Variants in PHF14 observed in about 807,000 individuals in gnomAD.
The protein encoded by PHF14 is PHD finger protein 14.
In PHF14, 55 loss-of-function variants were observed where a neutral mutation model predicts 117.9. That is an observed-to-expected ratio of 0.47 (90% CI 0.38 to 0.58). The LOEUF (loss-of-function observed/expected upper bound fraction) is 0.58. Ranked by LOEUF, PHF14 falls within the 20% of genes least tolerant of loss-of-function variation. PHF14 has a pLI of 0.00. For missense variants in PHF14, 978 were observed against 1,122.2 expected (o/e 0.87, Z 1.84); for synonymous variants, 409 against 368.6 (o/e 1.11, Z -1.26).
At chr7:11,023,276 A>G (rs1036893672) in intron 6 of PHF14, among the ~76,000 whole-genome samples, 5 of 152,196 alleles carry the variant, frequency 3.3e-5, no homozygotes, top group African/African-American at 7.2e-5. Context: ...TTACAATTAG[A>G]TGGATCAAAT....
intron 16 of PHF14, chr7:11,062,535 C>G (rs1785263807): frequency 4.7e-6 from 1 of 213,192 alleles, no homozygotes; most frequent in African/African-American, 2.4e-5. Flanking sequence ...TTTCTTATTG[C>G]TTATCAAAAC....
intron 1 of PHF14, 45 bp downstream of exon 1, chr7:10,974,369 A>G: frequency 4.5e-6 from 7 of 1,550,334 alleles, no homozygotes; most frequent in South Asian, 1.2e-5. Flanking sequence ...CATTTCAGCC[A>G]TTCTAGAAGT....
intron 16 of PHF14, among the ~76,000 whole-genome samples, chr7:11,066,331 C>T (rs568828957): frequency 1.5e-4 from 23 of 152,284 alleles, no homozygotes; most frequent in Admixed American, 1.2e-3. Flanking sequence ...ACTTTCTTGA[C>T]GCAGTACAGC....
At chr7:11,159,682 A>G (rs1788967832) in intron 17 of PHF14, among the ~76,000 whole-genome samples, 1 of 152,136 alleles carries the variant, frequency 6.6e-6, no homozygotes, top group Admixed American at 6.6e-5. Context: ...TGAGGGAAAC[A>G]GAGTAAAAGG....
At chr7:11,128,400 A>T (rs933842839) in intron 17 of PHF14, among the ~76,000 whole-genome samples, 7 of 151,808 alleles carry the variant, frequency 4.6e-5, no homozygotes, top group African/African-American at 1.7e-4. Context: ...ACTTCATTCT[A>T]TTTCCTGTCT....
intron 17 of PHF14, among the ~76,000 whole-genome samples, chr7:11,147,514 ATC>A (rs1431975321): frequency 6.6e-6 from 1 of 152,078 alleles, no homozygotes; most frequent in Non-Finnish European, 1.5e-5. Flanking sequence ...GTCACTTACA[ATC>A]TCTTTCTTAT....
chr7:11,023,964 C>T (rs916278273), intron 6 of PHF14, among the ~76,000 whole-genome samples: 2 of 152,148 alleles, frequency 1.3e-5, no homozygotes, highest in African/African-American at 2.4e-5. Context: ...GAAGGCATGT[C>T]GAAAGCCTAG....
chr7:11,033,933 T>G (rs1303402077), intron 7 of PHF14, among the ~76,000 whole-genome samples: 1 of 152,188 alleles, frequency 6.6e-6, no homozygotes, highest in Admixed American at 6.5e-5. Context: ...CTATATGAAG[T>G]AATTGTAAGT....
intron 2 of PHF14, among the ~76,000 whole-genome samples, chr7:10,976,944 T>G (rs1437457341): frequency 2.0e-5 from 3 of 151,284 alleles, no homozygotes; most frequent in Non-Finnish European, 2.9e-5. Context: ...TGGTATTTAT[T>G]GTAAAAGGGA....
chr7:11,152,472 A>G (rs1788729238), intron 17 of PHF14, among the ~76,000 whole-genome samples: 1 of 152,126 alleles, frequency 6.6e-6, no homozygotes, highest in African/African-American at 2.4e-5. Context: ...ATACAATAAT[A>G]TATTTGTAAT....
intron 17 of PHF14, among the ~76,000 whole-genome samples, chr7:11,121,697 T>C (rs1787759314): frequency 6.6e-6 from 1 of 152,068 alleles, no homozygotes; most frequent in Admixed American, 6.6e-5. Context: ...CTGAGACAGC[T>C]AAGTGACTAA....
chr7:11,153,147 C>G (rs529171145), intron 17 of PHF14, among the ~76,000 whole-genome samples: 2 of 152,228 alleles, frequency 1.3e-5, no homozygotes, highest in African/African-American at 4.8e-5. Context: ...AATTATAAAA[C>G]CAAAGCAAGG....
chr7:11,153,463 A>G (rs927404835), intron 17 of PHF14, among the ~76,000 whole-genome samples: 4 of 152,116 alleles, frequency 2.6e-5, no homozygotes, highest in Non-Finnish European at 4.4e-5. Context: ...TGAGGTCCTT[A>G]TTAAAAAGTT....
At chr7:11,148,596 T>A (rs1373519237) in intron 17 of PHF14, among the ~76,000 whole-genome samples, 1 of 152,180 alleles carries the variant, frequency 6.6e-6, no homozygotes, top group Non-Finnish European at 1.5e-5. Context: ...ATTTATCTGT[T>A]AACAGTTTGT....
At chr7:11,060,962 A>C (rs1785204173) in intron 14 of PHF14, among the ~76,000 whole-genome samples, 1 of 152,182 alleles carries the variant, frequency 6.6e-6, no homozygotes, top group Admixed American at 6.5e-5. Flanking sequence ...TTATACTATA[A>C]TGTAATTCTG....
intron 5 of PHF14, chr7:11,015,003 A>T (rs2128316557): frequency 1.8e-5 from 1 of 54,454 alleles, no homozygotes; most frequent in East Asian, 7.0e-3. Context: ...CTCCAATATA[A>T]GAGGGGGGGT....
chr7:11,038,938 A>G, intron 11 of PHF14, 83 bp downstream of exon 11: 1 of 565,480 alleles, frequency 1.8e-6, no homozygotes, highest in East Asian at 3.3e-5. Context: ...TACAACTGTC[A>G]TTTGACTAAC....
At chr7:11,129,795 A>G (rs1381800163) in intron 17 of PHF14, among the ~76,000 whole-genome samples, 1 of 152,010 alleles carries the variant, frequency 6.6e-6, no homozygotes, top group Non-Finnish European at 1.5e-5. Flanking sequence ...TAGATAAAGC[A>G]TGTATGCATT....
At chr7:11,111,508 C>T (rs901466318) in intron 17 of PHF14, 41 bp downstream of exon 17, 5 of 959,140 alleles carry the variant, frequency 5.2e-6, no homozygotes, top group Middle Eastern at 2.1e-4. Context: ...TGGTGTCCTT[C>T]CGTTTGATAG....
Sources: allele counts gnomAD v4.1 joint callset (sites outside exome capture counted in the v4.1 genomes callset), GRCh38; gene constraint gnomAD v4.1.1; transcripts MANE v1.5; gene names NCBI Gene and HGNC (gene_info 2026-07-23, HGNC 2026-07-21).